Variants in KLHL29 observed in about 807,000 individuals in gnomAD.
KLHL29 encodes the protein kelch-like protein 29.
A neutral mutation model predicts 80.4 loss-of-function variants in KLHL29; 21 were observed. That is an observed-to-expected ratio of 0.26 (90% confidence interval 0.19 to 0.38). The LOEUF is 0.38. KLHL29 is among the 10% of genes least tolerant of loss of function. The pLI is 1.00. For missense variants in KLHL29, 867 were observed against 1,223.9 expected, an observed-to-expected ratio of 0.71 and a Z score of 4.35; for synonymous variants, 511 against 526.8, an observed-to-expected ratio of 0.97 and a Z score of 0.41.
intron 3 of KLHL29, among the ~76,000 whole-genome samples, chr2:23,591,527 G>A (rs1044981771): frequency 1.5e-5 from 2 of 137,652 alleles, no homozygotes; most frequent in African/African-American, 5.6e-5. Flanking sequence ...CCATCCGCAT[G>A]TCCCTGACTC....
At chr2:23,542,329 A>T (rs912820807) in intron 2 of KLHL29, among the ~76,000 whole-genome samples, 2 of 152,168 alleles carry the variant, frequency 1.3e-5, no homozygotes, top group African/African-American at 4.8e-5. Context: ...GGAAAATTGG[A>T]TGCCTAGGGA....
At chr2:23,456,904 C>G (rs1002500328) in intron 1 of KLHL29, among the ~76,000 whole-genome samples, 4 of 152,154 alleles carry the variant, frequency 2.6e-5, no homozygotes, top group South Asian at 2.1e-4. Context: ...CGGGGACTTG[C>G]GGAGACAGCC....
chr2:23,590,128 C>T (rs958360034), intron 3 of KLHL29, among the ~76,000 whole-genome samples: 1 of 152,248 alleles, frequency 6.6e-6, no homozygotes, highest in African/African-American at 2.4e-5. Context: ...CAAGGTCACA[C>T]AGCATCTATG....
At position 23,434,270 on chromosome 2, in the gene KLHL29, G is replaced by A. The variant is rs547232563; in HGVS notation, c.-153-41290G>A. ...CGGGAGGCGGAGCTTGCAGTGAGCC[G>A]AGATTGCGCCACCGCACTCCAACCT... is the stretch of plus-strand genomic sequence containing the variant. On this transcript the variant is annotated intron_variant, in intron 1 of 13. Coordinates refer to ENST00000486442, the MANE Select transcript of KLHL29 (RefSeq NM_052920.2). 1.2e-3 allele frequency among the ~76,000 whole-genome samples: 163 copies of A among 130,510 alleles called. 1 individual carries two copies. The highest frequency in any genetic ancestry group is 4.3e-3 in the African/African-American group (148 of 34,084). 85.6% of individuals were successfully genotyped at this position (130,510 alleles called of 152,430 possible).
At chr2:23,577,169 A>C (rs1667863052) in intron 3 of KLHL29, among the ~76,000 whole-genome samples, 1 of 152,164 alleles carries the variant, frequency 6.6e-6, no homozygotes, top group African/African-American at 2.4e-5. Context: ...GACCAGTAGG[A>C]GCCAGTGCAG....
At chr2:23,538,717 A>G (rs1225264175) in intron 2 of KLHL29, among the ~76,000 whole-genome samples, 1 of 152,222 alleles carries the variant, frequency 6.6e-6, no homozygotes, top group Non-Finnish European at 1.5e-5. Context: ...CTATTTCAGA[A>G]TAAGAGGTTC....
intron 2 of KLHL29, among the ~76,000 whole-genome samples, chr2:23,508,778 T>G (rs1201477165): frequency 6.6e-6 from 1 of 152,176 alleles, no homozygotes; most frequent in Admixed American, 6.5e-5. Flanking sequence ...TACAGGCAAT[T>G]CAGCAAACCA....
At chr2:23,483,813 G>C (rs1664859829) in intron 2 of KLHL29, among the ~76,000 whole-genome samples, 1 of 152,182 alleles carries the variant, frequency 6.6e-6, no homozygotes, top group Non-Finnish European at 1.5e-5. Context: ...GCAGAAACTA[G>C]AGTCCTTGTG....
At chr2:23,626,747 G>A (rs769350568) in intron 3 of KLHL29, among the ~76,000 whole-genome samples, 13 of 152,222 alleles carry the variant, frequency 8.5e-5, no homozygotes, top group Middle Eastern at 3.2e-3. Context: ...GCCCCTGCAG[G>A]CGATGGGCCC....
chr2:23,490,110 A>G (rs1358382867), intron 2 of KLHL29, among the ~76,000 whole-genome samples: 2 of 152,240 alleles, frequency 1.3e-5, no homozygotes, highest in East Asian at 3.8e-4. Flanking sequence ...GTGCAGGCGC[A>G]TACATTCTCT....
intron 3 of KLHL29, among the ~76,000 whole-genome samples, chr2:23,632,421 A>G (rs1669493187): frequency 6.6e-6 from 1 of 152,260 alleles, no homozygotes; most frequent in Non-Finnish European, 1.5e-5. Flanking sequence ...TATGTTTGCC[A>G]AAAGCTGGAT....
chr2:23,643,969 G>A (rs1669849574), intron 5 of KLHL29: 1 of 150,398 alleles, frequency 6.6e-6, no homozygotes, highest in Non-Finnish European at 1.5e-5. Flanking sequence ...GGCAGAGCAA[G>A]GAACCCCACT....
At chr2:23,537,476 A>G (rs766372898) in intron 2 of KLHL29, among the ~76,000 whole-genome samples, 16 of 140,254 alleles carry the variant, frequency 1.1e-4, no homozygotes, top group Non-Finnish European at 2.4e-4. Flanking sequence ...AGGCACGCAC[A>G]CGCTTCTCCA....
chr2:23,582,670 A>G (rs1240670101), intron 3 of KLHL29, among the ~76,000 whole-genome samples: 1 of 151,874 alleles, frequency 6.6e-6, no homozygotes, highest in Non-Finnish European at 1.5e-5. Flanking sequence ...TCCCAGTTCC[A>G]CTCCCCATCC....
chr2:23,538,752 T>C (rs901823599), intron 2 of KLHL29, among the ~76,000 whole-genome samples: 1 of 152,224 alleles, frequency 6.6e-6, no homozygotes, highest in African/African-American at 2.4e-5. Context: ...GTCAGGGCCT[T>C]TGCTTGTTCC....
At chr2:23,522,807 G>T (rs898693784) in intron 2 of KLHL29, among the ~76,000 whole-genome samples, 2 of 152,158 alleles carry the variant, frequency 1.3e-5, no homozygotes, top group Non-Finnish European at 2.9e-5. Flanking sequence ...CCACCTCCAG[G>T]CCAGGCTGTT....
chr2:23,641,275 AT>A (rs544336312), intron 4 of KLHL29, among the ~76,000 whole-genome samples: 610 of 152,046 alleles, frequency 4.0e-3, no homozygotes, highest in Non-Finnish European at 6.6e-3. Context: ...ATTCAGCCAT[AT>A]TTTTCTTAAG....
Position 23,680,499 on chromosome 2 carries a change from A to G in KLHL29, c.941-3900A>G, listed in dbSNP as rs1005894996. Reference sequence around the variant, plus strand: ...CTCAAAGCCGAGGAGACCCAAAAACAACCTCTGGGGCCGACCAACAGGGAC... The same window carrying G: ...CTCAAAGCCGAGGAGACCCAAAAACGACCTCTGGGGCCGACCAACAGGGAC... On this transcript the variant is annotated intron_variant, in intron 5 of 13. Coordinates refer to ENST00000486442, the MANE Select transcript of KLHL29 (RefSeq NM_052920.2). The surrounding 1 kb of genome is among the most constrained non-coding windows in gnomAD (Gnocchi z 4.1). 6.6e-6 allele frequency among the ~76,000 whole-genome samples: 1 copy of G among 152,176 alleles called. No individual in the cohort carries two copies. The highest frequency in any genetic ancestry group is 1.5e-5 in the Non-Finnish European group (1 of 68,022).
intron 2 of KLHL29, among the ~76,000 whole-genome samples, chr2:23,498,552 A>G (rs1036790228): frequency 1.3e-5 from 2 of 152,172 alleles, no homozygotes; most frequent in African/African-American, 2.4e-5. Flanking sequence ...GGGGTTGGGG[A>G]GCAGACTGGA....
Sources: gnomAD v4.1 joint callset for allele counts (sites outside exome capture counted in the v4.1 genomes callset) on GRCh38, gnomAD v4.1.1 for gene constraint, Gnocchi (gnomAD v3.1) non-coding constraint, MANE v1.5 for transcripts, NCBI Gene and HGNC (gene_info 2026-07-23, HGNC 2026-07-21) for gene names.